Variants in LPP observed in about 807,000 individuals in gnomAD.
LPP encodes the protein lipoma-preferred partner.
LPP carries 38 observed loss-of-function variants against 60.4 expected under a neutral mutation model. That is an observed-to-expected ratio of 0.63 (90% CI 0.49 to 0.83). LPP has a LOEUF of 0.83. Ranked by LOEUF, LPP falls within the 40% of genes least tolerant of loss-of-function variation. The pLI is 0.00. For synonymous variants in LPP, 328 were observed against 290.8 expected (o/e 1.13, Z -1.30); for missense variants, 902 against 783.6 (o/e 1.15, Z -1.80).
At chr3:188,535,531 G>A (rs913534140) in intron 6 of LPP, among the ~76,000 whole-genome samples, 2 of 152,160 alleles carry the variant, frequency 1.3e-5, no homozygotes, top group South Asian at 4.1e-4. Flanking sequence ...TATAGAGTTA[G>A]CACATGACAA....
intron 3 of LPP, among the ~76,000 whole-genome samples, chr3:188,364,327 G>A (rs1356752364): frequency 6.6e-6 from 1 of 152,140 alleles, no homozygotes; most frequent in Non-Finnish European, 1.5e-5. Context: ...CTGTCTTACT[G>A]TCTTTAATAG....
chr3:188,665,458 T>C (rs1203035246), intron 7 of LPP, among the ~76,000 whole-genome samples: 1 of 57,660 alleles, frequency 1.7e-5, no homozygotes, highest in Non-Finnish European at 3.8e-5. Flanking sequence ...CTTCTTCTTC[T>C]TCTTTTTTTT....
At chr3:188,242,810 G>A (rs922087011) in intron 2 of LPP, among the ~76,000 whole-genome samples, 1 of 152,130 alleles carries the variant, frequency 6.6e-6, no homozygotes, top group Non-Finnish European at 1.5e-5. Flanking sequence ...AGTTTGTAGG[G>A]GATGATATTG....
At chr3:188,765,142 T>G (rs1733604326) in intron 9 of LPP, among the ~76,000 whole-genome samples, 1 of 152,160 alleles carries the variant, frequency 6.6e-6, no homozygotes, top group Admixed American at 6.5e-5. Context: ...TTATGGCCAG[T>G]GCTTTATGTG....
intron 8 of LPP, among the ~76,000 whole-genome samples, chr3:188,735,820 G>A (rs1722307777): frequency 6.6e-6 from 1 of 152,172 alleles, no homozygotes; most frequent in African/African-American, 2.4e-5. Context: ...AACGGGGCTG[G>A]GCAGCAAAAC....
chr3:188,687,117 T>A (rs1015119013), intron 7 of LPP, among the ~76,000 whole-genome samples: 1 of 152,236 alleles, frequency 6.6e-6, no homozygotes, highest in Admixed American at 6.5e-5. Flanking sequence ...ATAGCTTATC[T>A]CTTTTCTCCA....
chr3:188,264,128 G>T (rs537777856), intron 2 of LPP, among the ~76,000 whole-genome samples: 33 of 152,220 alleles, frequency 2.2e-4, no homozygotes, highest in African/African-American at 7.7e-4. Context: ...AATATAAACA[G>T]CTGGAGAGTA....
At chr3:188,840,762 A>T (rs541749853) in intron 9 of LPP, among the ~76,000 whole-genome samples, 4 of 152,126 alleles carry the variant, frequency 2.6e-5, no homozygotes, top group Non-Finnish European at 5.9e-5. Context: ...CATCTTACAC[A>T]TGAGGAAACT....
At chr3:188,836,896 G>A (rs1025369528) in intron 9 of LPP, among the ~76,000 whole-genome samples, 10 of 152,194 alleles carry the variant, frequency 6.6e-5, no homozygotes, top group Admixed American at 2.6e-4. Context: ...TCAGAACTAC[G>A]TGGGCTTTTA....
chr3:188,304,571 A>G (rs142756229), intron 2 of LPP, among the ~76,000 whole-genome samples: 2 of 152,278 alleles, frequency 1.3e-5, no homozygotes, highest in Non-Finnish European at 2.9e-5. Flanking sequence ...ATAAAGTTAT[A>G]TCTTAATATC....
intron 4 of LPP, among the ~76,000 whole-genome samples, chr3:188,409,236 C>T (rs1393879525): frequency 6.6e-6 from 1 of 152,180 alleles, no homozygotes; most frequent in African/African-American, 2.4e-5. Context: ...TGCCAATTCT[C>T]ACTCTTTTTC....
chr3:188,708,705 A>G lies in LPP; in HGVS notation c.1240+312A>G, dbSNP rs562610219. On this transcript the variant is annotated intron_variant, in intron 8 of 11. Coordinates refer to ENST00000617246, the MANE Select transcript of LPP (RefSeq NM_001375462.1). ...AGACCCTGTCTCCATTAAAAATACAAAAATTAGCTGAGTGTGGTGGCATGT... is the reference window on the plus strand; with the variant it reads ...AGACCCTGTCTCCATTAAAAATACAGAAATTAGCTGAGTGTGGTGGCATGT... The G allele has an allele frequency of 3.6e-5, 16 of 442,088 alleles. 1 individual carries two copies. In the South Asian group the frequency reaches 6.6e-4, roughly 18 times the overall value. The allele number at this position is 442,088 out of a possible 1,614,324, so 27.4% of individuals were successfully genotyped here.
At chr3:188,721,243 A>C (rs754300380) in intron 8 of LPP, among the ~76,000 whole-genome samples, 1 of 152,076 alleles carries the variant, frequency 6.6e-6, no homozygotes, top group Non-Finnish European at 1.5e-5. Context: ...TATTAAACTG[A>C]ATACTATATT....
At chr3:188,635,575 T>C (rs1848578337) in intron 7 of LPP, among the ~76,000 whole-genome samples, 1 of 152,184 alleles carries the variant, frequency 6.6e-6, no homozygotes, top group South Asian at 2.1e-4. Context: ...AGAGGCTCCA[T>C]TTCTCGTGTT....
intron 3 of LPP, among the ~76,000 whole-genome samples, chr3:188,371,189 CT>C (rs1772960264): frequency 6.6e-6 from 1 of 152,090 alleles, no homozygotes; most frequent in East Asian, 1.9e-4. Flanking sequence ...ACTCAATGTA[CT>C]TATTTTACCA....
At chr3:188,351,388 G>C (rs541608237) in intron 3 of LPP, among the ~76,000 whole-genome samples, 1 of 152,234 alleles carries the variant, frequency 6.6e-6, no homozygotes, top group South Asian at 2.1e-4. Flanking sequence ...TGCAAATCGT[G>C]CCCACATCTC....
chr3:188,591,875 G>C (rs1421736233), intron 6 of LPP, among the ~76,000 whole-genome samples: 1 of 152,134 alleles, frequency 6.6e-6, no homozygotes, highest in Non-Finnish European at 1.5e-5. Context: ...ATATCAGAGG[G>C]TTTAACTGTG....
At chr3:188,377,901 T>C (rs935408571) in intron 3 of LPP, among the ~76,000 whole-genome samples, 3 of 152,186 alleles carry the variant, frequency 2.0e-5, no homozygotes, top group African/African-American at 7.2e-5. Flanking sequence ...ATGTCCTGTC[T>C]GTTTGTTAGT....
intron 7 of LPP, among the ~76,000 whole-genome samples, chr3:188,644,835 T>C (rs1466925912): frequency 6.6e-6 from 1 of 152,198 alleles, no homozygotes; most frequent in Non-Finnish European, 1.5e-5. Flanking sequence ...TATTACAAGG[T>C]AGCTGTGGCT....
Sources: allele counts gnomAD v4.1 joint callset (sites outside exome capture counted in the v4.1 genomes callset), GRCh38; gene constraint gnomAD v4.1.1; transcripts MANE v1.5; gene names NCBI Gene and HGNC (gene_info 2026-07-23, HGNC 2026-07-21).